Variants in EDNRA observed in about 807,000 individuals in gnomAD.
The protein encoded by EDNRA is endothelin-1 receptor.
EDNRA carries 11 observed loss-of-function variants against 41.4 expected under a neutral mutation model. The observed-to-expected ratio is 0.27, with a 90% CI of 0.17 to 0.44. The LOEUF (loss-of-function observed/expected upper bound fraction) is 0.44, where lower values mean the gene tolerates loss of function less well. Ranked by LOEUF, EDNRA falls within the 20% of genes least tolerant of loss-of-function variation. The pLI, the probability that EDNRA is intolerant of heterozygous loss-of-function variation, is 1.00. For synonymous variants in EDNRA, 172 were observed against 183.0 expected (o/e 0.94, Z 0.49); for missense variants, 294 against 531.0 (o/e 0.55, Z 4.39).
intron 2 of EDNRA, among the ~76,000 whole-genome samples, chr4:147,508,683 C>G (rs916841009): frequency 1.3e-5 from 2 of 152,122 alleles, no homozygotes; most frequent in African/African-American, 2.4e-5. Context: ...TATGGATACT[C>G]AGTTTTTCAA....
chr4:147,507,488 G>C (rs1348758048), intron 2 of EDNRA, among the ~76,000 whole-genome samples: 1 of 152,178 alleles, frequency 6.6e-6, no homozygotes, highest in Non-Finnish European at 1.5e-5. Context: ...TGAAATGATA[G>C]AGTTATAGAG....
intron 4 of EDNRA, among the ~76,000 whole-genome samples, chr4:147,535,668 T>C (rs1036450293): frequency 2.0e-5 from 3 of 152,208 alleles, no homozygotes; most frequent in Non-Finnish European, 4.4e-5. Context: ...GCAGTTTCTT[T>C]ATGTGCTGTT....
Position 147,532,689 on chromosome 4 carries a change from A to G in EDNRA, c.732A>G (p.Thr244=). The part of the protein sequence containing the change: ...EQHKTCMLNA[T]SKFMEFYQDV... ...ATAAAACCTGTATGCTCAATGCCACATCAAAATTCATGGAGGTACTAAACG... is the reference window on the plus strand; with the variant it reads ...ATAAAACCTGTATGCTCAATGCCACGTCAAAATTCATGGAGGTACTAAACG... Residue 244 remains threonine (T), a synonymous_variant, in exon 4 of 8, where the codon ACA becomes ACG. Coordinates refer to ENST00000651419, the MANE Select transcript of EDNRA (RefSeq NM_001957.4). 1.9e-6 allele frequency: 3 copies of G among 1,614,170 alleles called. No individual in the cohort carries two copies. Among genetic ancestry groups the G allele is most frequent in the South Asian group, 2.2e-5 (2 of 91,082 alleles).
intron 2 of EDNRA, among the ~76,000 whole-genome samples, chr4:147,501,906 A>T (rs965326398): frequency 6.6e-6 from 1 of 152,150 alleles, no homozygotes; most frequent in African/African-American, 2.4e-5. Flanking sequence ...AAGTGTCTGT[A>T]TTACTTTGAT....
chr4:147,509,306 G>T (rs1236962310), intron 2 of EDNRA, among the ~76,000 whole-genome samples: 1 of 152,200 alleles, frequency 6.6e-6, no homozygotes, highest in African/African-American at 2.4e-5. Flanking sequence ...CGTGATTCAT[G>T]CGAAAGCACC....
intron 2 of EDNRA, chr4:147,495,690 C>A (rs1179365386): frequency 6.6e-6 from 1 of 152,240 alleles, no homozygotes; most frequent in African/African-American, 2.4e-5. Flanking sequence ...CTAGTTATCA[C>A]TTGAAAGGCT....
Position 147,486,130 on chromosome 4 carries a change from A to G in EDNRA, c.420+29A>G. 6.3e-7 allele frequency: 1 copy of G among 1,577,262 alleles called. No homozygotes were observed. The highest frequency in any genetic ancestry group is 1.3e-5 in the African/African-American group (1 of 74,262). On this transcript the variant is annotated intron_variant, in intron 2 of 7. Transcript: ENST00000651419. The surrounding 1 kb of genome is among the most constrained non-coding windows in gnomAD (Gnocchi z 4.3). ...GGAAGTAACCACAAATGTATTTGCAAATTTAAACCCATGCTCTGATTCCAC... is the reference window on the plus strand; with the variant it reads ...GGAAGTAACCACAAATGTATTTGCAGATTTAAACCCATGCTCTGATTCCAC...
At chr4:147,493,392 T>C (rs1729203425) in intron 2 of EDNRA, 1 of 152,138 alleles carries the variant, frequency 6.6e-6, no homozygotes, top group African/African-American at 2.4e-5. Context: ...TTGATTATTA[T>C]ACAAAGTATA....
At chr4:147,542,382 G>A (rs1354703641) in intron 7 of EDNRA, 96 bp from the exon 8 acceptor site, 9 of 1,536,136 alleles carry the variant, frequency 5.9e-6, no homozygotes, top group Admixed American at 5.5e-5. Flanking sequence ...AATGCGAATG[G>A]ACATTTGCCC....
At chr4:147,527,041 G>C (rs1257227658) in intron 3 of EDNRA, among the ~76,000 whole-genome samples, 1 of 152,304 alleles carries the variant, frequency 6.6e-6, no homozygotes, top group South Asian at 2.1e-4. Flanking sequence ...AAATGATCAA[G>C]TTTGCTGTTA....
Position 147,535,820 on chromosome 4 carries a change from G to A in EDNRA, c.748-57G>A, listed in dbSNP as rs1730898782. The A allele has an allele frequency of 3.8e-6, 6 of 1,592,568 alleles. No individual in the cohort carries two copies. In the East Asian group the frequency reaches 1.3e-4, roughly 36 times the overall value. On this transcript the variant is annotated intron_variant, in intron 4 of 7. Transcript: ENST00000651419. The stretch of plus-strand genomic sequence containing the variant: ...CTTAAAGCTACCAGAGGCACAGCAT[G>A]GTTAATTGACATGACTCTGCTCCTC...
intron 1 of EDNRA, among the ~76,000 whole-genome samples, chr4:147,482,066 A>G (rs962173606): frequency 6.6e-6 from 1 of 152,238 alleles, no homozygotes; most frequent in African/African-American, 2.4e-5. Context: ...TATTAAACTC[A>G]GGCGTTGTCT....
intron 3 of EDNRA, among the ~76,000 whole-genome samples, chr4:147,527,415 G>A (rs945800019): frequency 1.3e-5 from 2 of 152,218 alleles, no homozygotes; most frequent in African/African-American, 2.4e-5. Flanking sequence ...CCACGCCCGT[G>A]TAGAAACATA....
intron 2 of EDNRA, among the ~76,000 whole-genome samples, chr4:147,497,590 G>C (rs1366671727): frequency 6.8e-6 from 1 of 148,070 alleles, no homozygotes; most frequent in African/African-American, 2.5e-5. Context: ...TTTTTTTTTT[G>C]AGATGGAGTC....
rs531027678 is a variant in EDNRA, at chr4:147,503,194, A to G, written c.421-16657A>G. ...TATTTTGTACAAAATATTTATAGAT[A>G]TGAGGCTTCACTTTGTTGAATTCAT... On this transcript the variant is annotated intron_variant, in intron 2 of 7. Transcript: ENST00000651419. Among the ~76,000 whole-genome samples, 7 of 152,310 alleles carry G rather than the reference A, an allele frequency of 4.6e-5. No individual in the cohort carries two copies. In the South Asian group the frequency reaches 1.4e-3, roughly 32 times the overall value.
At chr4:147,483,406 C>G (rs1400847279) in intron 1 of EDNRA, among the ~76,000 whole-genome samples, 1 of 152,162 alleles carries the variant, frequency 6.6e-6, no homozygotes, top group Non-Finnish European at 1.5e-5. Flanking sequence ...AGATATTGCT[C>G]CTGCCTACCT....
intron 3 of EDNRA, chr4:147,531,636 G>C (rs78496379): frequency 6.6e-6 from 1 of 152,314 alleles, no homozygotes; most frequent in Non-Finnish European, 1.5e-5. Context: ...ACTCTCCTAA[G>C]ATTTCTCTAG....
chr4:147,524,366 G>A (rs561220025), intron 3 of EDNRA, among the ~76,000 whole-genome samples: 95 of 151,880 alleles, frequency 6.3e-4, no homozygotes, highest in African/African-American at 2.1e-3. Context: ...ATCTAGTGTC[G>A]GGTCACCTCA....
intron 5 of EDNRA, among the ~76,000 whole-genome samples, chr4:147,537,679 T>C (rs191084403): frequency 6.6e-6 from 1 of 152,298 alleles, no homozygotes; most frequent in Admixed American, 6.5e-5. Context: ...GCATTTCCAT[T>C]TCCATGTCTT....
Sources: allele counts gnomAD v4.1 joint callset (sites outside exome capture counted in the v4.1 genomes callset), GRCh38; gene constraint gnomAD v4.1.1; non-coding constraint Gnocchi (gnomAD v3.1); transcripts MANE v1.5; gene names NCBI Gene and HGNC (gene_info 2026-07-23, HGNC 2026-07-21).